Variants in RPA2 observed in about 807,000 individuals in gnomAD.
RPA2 encodes the protein replication protein A2, also known as replication protein A 32 kDa subunit.
A neutral mutation model predicts 33.4 loss-of-function variants in RPA2; 22 were observed. The ratio of observed to expected loss-of-function variants is 0.66; its 90% CI spans 0.47 to 0.94. The LOEUF is 0.94. Among genes scored for constraint, RPA2 ranks in the 40% least tolerant of loss-of-function variants. The pLI, the probability that RPA2 is intolerant of heterozygous loss-of-function variation, is 0.00. For missense variants in RPA2, 279 were observed against 329.9 expected (o/e 0.85, Z 1.19); for synonymous variants, 109 against 114.9 (o/e 0.95, Z 0.33).
chr1:27,914,138 G>A lies in RPA2; in HGVS notation c.42C>T (p.Tyr14=), dbSNP rs760571586. The change falls in exon 2 of 9, where the codon TAC becomes TAT. Residue 14 remains tyrosine (Y), a synonymous_variant. Transcript: ENST00000373912. The part of the protein sequence containing the change: ...SGFESYGSSS[Y]GGAGGYTQSP... ...ACTGCGTGTAGCCGCCGGCTCCCCCGTATGAGGAGCTGCCATAGCTTTCGA... is the reference window on the plus strand; with the variant it reads ...ACTGCGTGTAGCCGCCGGCTCCCCCATATGAGGAGCTGCCATAGCTTTCGA... 1.3e-5 allele frequency: 21 copies of A among 1,612,892 alleles called. No individual in the cohort carries two copies. The African/African-American group carries it at 1.3e-4, about 10-fold the overall frequency.
chr1:27,904,781 C>T (rs1232773626), intron 4 of RPA2, among the ~76,000 whole-genome samples: 1 of 151,988 alleles, frequency 6.6e-6, no homozygotes, highest in Non-Finnish European at 1.5e-5. Flanking sequence ...TTTTCTGTCT[C>T]AGCTTCTGGG....
chr1:27,900,196 G>A (rs1465671547), intron 4 of RPA2, among the ~76,000 whole-genome samples: 1 of 148,978 alleles, frequency 6.7e-6, no homozygotes, highest in Non-Finnish European at 1.5e-5. Context: ...ACTGCAGCCT[G>A]TGCCTCCCGG....
At chr1:27,913,662 AC>A (rs2148663855) in intron 2 of RPA2, among the ~76,000 whole-genome samples, 1 of 151,982 alleles carries the variant, frequency 6.6e-6, no homozygotes, top group East Asian at 1.9e-4. Flanking sequence ...CACACCTGTT[AC>A]CCCAGCACTT....
chr1:27,905,095 TAA>T (rs2090012046), intron 4 of RPA2, among the ~76,000 whole-genome samples: 1 of 152,246 alleles, frequency 6.6e-6, no homozygotes, highest in Admixed American at 6.5e-5. Flanking sequence ...TCCATGTTTA[TAA>T]AGACACTTAT....
At chr1:27,904,069 CAGG>C (rs1256176445) in intron 4 of RPA2, among the ~76,000 whole-genome samples, 1 of 150,820 alleles carries the variant, frequency 6.6e-6, no homozygotes, top group Non-Finnish European at 1.5e-5. Context: ...GAGGCTGAGG[CAGG>C]AGAATTGCTT....
At chr1:27,894,530 A>G (rs1487085994) in intron 6 of RPA2, 133 bp from the exon 7 acceptor site, 5 of 644,434 alleles carry the variant, frequency 7.8e-6, no homozygotes, top group South Asian at 5.9e-5. Context: ...CACTGCTTAC[A>G]TTGGAGTGGA....
chr1:27,896,661 C>T (rs1173314569), intron 6 of RPA2, among the ~76,000 whole-genome samples: 1 of 152,190 alleles, frequency 6.6e-6, no homozygotes, highest in African/African-American at 2.4e-5. Context: ...CAGCAAAATG[C>T]TGTCCTGAAG....
chr1:27,914,075 G>A lies in RPA2; in HGVS notation c.105C>T (p.Ala35=), dbSNP rs753461670. 2 of 1,593,992 alleles carry A rather than the reference G, an allele frequency of 1.3e-6. No individual in the cohort carries two copies. Among genetic ancestry groups the A allele is most frequent in the Non-Finnish European group, 1.7e-6 (2 of 1,171,002 alleles). The change falls in exon 2 of 9, where the codon GCC becomes GCT. Residue 35 remains alanine (A), a synonymous_variant. Transcript: ENST00000373912. The stretch of plus-strand genomic sequence containing the variant: ...CCTTTCAACCTACTGATTTCTTTTC[G>A]GCTTGAGAAGGTGCGGGCGATCCAA... ...GGFGSPAPSQ[A]EKKSRARAQH...
chr1:27,913,797 C>T (rs550510022), intron 2 of RPA2, among the ~76,000 whole-genome samples: 4 of 152,140 alleles, frequency 2.6e-5, no homozygotes, highest in African/African-American at 9.6e-5. Context: ...TGAGGGCGTT[C>T]ACACAAGACT....
At chr1:27,897,169 A>C in intron 5 of RPA2, 48 bp from the exon 6 acceptor site, 1 of 1,308,304 alleles carries the variant, frequency 7.6e-7, no homozygotes, top group South Asian at 1.2e-5. Context: ...AACATACATT[A>C]ATTTCAGGTC....
rs28988897 is a variant in RPA2 at position 27,914,137 on chromosome 1, C to T, written c.43G>A (p.Gly15Arg). The change falls in exon 2 of 9, where the codon GGG becomes AGG. Residue 15 changes from glycine to arginine, a missense_variant. Physicochemically the swap from Gly to Arg is moderately radical, Grantham distance 125. This residue lies in a region of RPA2 where 274 missense variants were observed against 310.3 expected (regional missense o/e 0.88). Transcript: ENST00000373912. ...GFESYGSSSYGGAGGYTQSPG... is the reference protein window; with the variant it reads ...GFESYGSSSYRGAGGYTQSPG... The stretch of plus-strand genomic sequence containing the variant: ...GACTGCGTGTAGCCGCCGGCTCCCC[C>T]GTATGAGGAGCTGCCATAGCTTTCG... 5.5e-3 allele frequency: 8,824 copies of T among 1,613,706 alleles called. 45 individuals are homozygous for T. Among genetic ancestry groups the T allele is most frequent in the Non-Finnish European group, 6.2e-3 (7,342 of 1,179,898 alleles).
intron 5 of RPA2, 127 bp downstream of exon 5, chr1:27,897,506 G>T: frequency 1.8e-6 from 1 of 552,246 alleles, no homozygotes; most frequent in Non-Finnish European, 3.1e-6. Context: ...TCCTTTTGAA[G>T]AGAGTAAGAA....
rs1557462796 is a variant in RPA2, at chr1:27,894,331, T to C, written c.592A>G (p.Ser198Gly). The change falls in exon 7 of 9, where the codon AGC (serine) becomes GGC (glycine). Residue 198 changes from serine (S) to glycine (G), a missense_variant. This residue lies in a region of RPA2 where 274 missense variants were observed against 310.3 expected (regional missense o/e 0.88). Transcript: ENST00000373912. ...MSEAGNFGGN[S>G]FMPANGLTVA... ...GTGAGGCCATTTGCTGGCATGAAGC[T>C]ATTCCCACCAAAGTTCCCTGCTTCA... The C allele has an allele frequency of 1.9e-6, 3 of 1,614,174 alleles. No homozygotes were observed. The highest frequency in any genetic ancestry group is 2.5e-6 in the Non-Finnish European group (3 of 1,180,038).
chr1:27,906,004 T>A (rs1463607819), intron 4 of RPA2, among the ~76,000 whole-genome samples: 1 of 152,160 alleles, frequency 6.6e-6, no homozygotes, highest in African/African-American at 2.4e-5. Flanking sequence ...ATTTAAACAA[T>A]ACTTATTCCA....
upstream of RPA2, chr1:27,914,758 G>T (rs2090150357): frequency 2.2e-6 from 3 of 1,338,906 alleles, no homozygotes; most frequent in Non-Finnish European, 3.1e-6. Context: ...GAAGCAAGGG[G>T]CTGGCAGAGC....
intron 6 of RPA2, among the ~76,000 whole-genome samples, chr1:27,895,808 G>A (rs1393695631): frequency 6.6e-6 from 1 of 152,058 alleles, no homozygotes; most frequent in African/African-American, 2.4e-5. Flanking sequence ...CCTTACCATG[G>A]CCTCCAAAGC....
intron 4 of RPA2, among the ~76,000 whole-genome samples, chr1:27,898,575 T>TTGCTCTGTCACCCAGACTGGA (rs1309740117): frequency 2.0e-5 from 3 of 151,674 alleles, no homozygotes; most frequent in Non-Finnish European, 2.9e-5. Context: ...ACGAAGTGTC[T>TTGCTCTGTCACCCAGACTGGA]TGCTCTGTCA....
intron 2 of RPA2, among the ~76,000 whole-genome samples, chr1:27,909,818 G>A (rs1242231586): frequency 2.6e-5 from 4 of 151,918 alleles, no homozygotes; most frequent in Non-Finnish European, 4.4e-5. Context: ...AAAATTACAT[G>A]GTAAAGGACT....
intron 4 of RPA2, among the ~76,000 whole-genome samples, chr1:27,900,321 AG>A (rs2089952913): frequency 6.6e-6 from 1 of 152,126 alleles, no homozygotes; most frequent in Non-Finnish European, 1.5e-5. Flanking sequence ...CTTATTGGCC[AG>A]GCTGGTGTCA....
Sources: allele counts gnomAD v4.1 joint callset (sites outside exome capture counted in the v4.1 genomes callset), GRCh38; gene constraint gnomAD v4.1.1; regional missense constraint gnomAD v4.1.1; transcripts MANE v1.5; gene names NCBI Gene and HGNC (gene_info 2026-07-23, HGNC 2026-07-21).